The following FAM171B variants were observed in gnomAD, a reference collection of about 807,000 sequenced individuals.
FAM171B encodes the protein protein FAM171B.
A neutral mutation model predicts 75.6 loss-of-function variants in FAM171B; 19 were observed. The observed-to-expected ratio is 0.25, with a 90% CI of 0.18 to 0.37. FAM171B has a LOEUF of 0.37. Ranked by LOEUF, FAM171B falls within the 10% of genes least tolerant of loss-of-function variation. The probability of loss-of-function intolerance (pLI) is 1.00; values close to 1 mark genes in which losing one functional copy is unlikely to be tolerated. For synonymous variants in FAM171B, 367 were observed against 361.7 expected, an observed-to-expected ratio of 1.01 and a Z score of -0.17; for missense variants, 848 against 982.4, an observed-to-expected ratio of 0.86 and a Z score of 1.83.
chr2:186,723,531 CAATT>C (rs1689985691), intron 1 of FAM171B, among the ~76,000 whole-genome samples: 2 of 151,734 alleles, frequency 1.3e-5, no homozygotes, highest in African/African-American at 2.4e-5. Context: ...AGTATTTTTC[CAATT>C]AATTACTTAA....
rs1690494969 is a variant in FAM171B at position 186,754,028 on chromosome 2, G to T, written c.991G>T (p.Ala331Ser). 6.2e-7 allele frequency: 1 copy of T among 1,601,428 alleles called. No homozygotes were observed. The highest frequency in any genetic ancestry group is 8.5e-7 in the Non-Finnish European group (1 of 1,175,654). ...DAPHLGYWIA[A>S]PLPGTRGSGI... ...ACCACATTTGGGGTACTGGATAGCA[G>T]CTCCACTTCCAGGAACTAGAGGTAT... Residue 331 changes from alanine to serine, a missense_variant, in exon 6 of 8, where the codon GCT becomes TCT. Coordinates refer to ENST00000304698, the MANE Select transcript of FAM171B (RefSeq NM_177454.4).
chr2:186,758,976 TA>T (rs1690575433), intron 6 of FAM171B, among the ~76,000 whole-genome samples: 1 of 152,006 alleles, frequency 6.6e-6, no homozygotes, highest in African/African-American at 2.4e-5. Context: ...CAGCCTCTGG[TA>T]AACCATCATT....
chr2:186,694,377 G>T lies in FAM171B; in HGVS notation c.204G>T (p.Glu68Asp). 6.2e-7 allele frequency: 1 copy of T among 1,612,864 alleles called. No individual in the cohort carries two copies. Among genetic ancestry groups the T allele is most frequent in the Non-Finnish European group, 8.5e-7 (1 of 1,179,612 alleles). The change falls in exon 1 of 8, where the codon GAG becomes GAT. Residue 68 changes from glutamate (E) to aspartate (D), a missense_variant. Around this residue, in one of 3 missense-constraint regions of FAM171B, gnomAD observed 665 missense variants for 729.0 expected, o/e 0.91. Coordinates refer to ENST00000304698, the MANE Select transcript of FAM171B (RefSeq NM_177454.4). ...QLEEAEEERT[E>D]VPGATSTLTV... ...AGGAGGCTGAGGAGGAGAGGACAGA[G>T]GTGCCTGGGGCAACCTCCACCTTGA...
chr2:186,716,445 A>G (rs1689875711), intron 1 of FAM171B, among the ~76,000 whole-genome samples: 1 of 152,182 alleles, frequency 6.6e-6, no homozygotes, highest in African/African-American at 2.4e-5. Context: ...ACTGTAATAG[A>G]TGTATATACA....
intron 6 of FAM171B, 87 bp from the exon 7 acceptor site, chr2:186,761,026 T>C (rs1161137976): frequency 5.1e-6 from 7 of 1,373,410 alleles, no homozygotes; most frequent in Non-Finnish European, 6.9e-6. Context: ...TATGTACACT[T>C]ATTCAATTTG....
rs147412320 is a variant in FAM171B at position 186,721,102 on chromosome 2, A to T, written c.239-19126A>T. Among the ~76,000 whole-genome samples the T allele has an allele frequency of 6.6e-4, 100 of 152,324 alleles. 2 individuals carry two copies. Among genetic ancestry groups the T allele is most frequent in the East Asian group, 3.9e-3 (20 of 5,192 alleles). ...GAAGATGGCTTTAGGTCATATCCCT[A>T]TCCCTTCAGGATATTACCTATTTAT... On this transcript the variant is annotated intron_variant, in intron 1 of 7. Transcript: ENST00000304698.
chr2:186,741,882 T>G (rs1690293150), intron 2 of FAM171B, among the ~76,000 whole-genome samples: 2 of 151,884 alleles, frequency 1.3e-5, no homozygotes, highest in Admixed American at 6.5e-5. Flanking sequence ...AGGAAGCTGA[T>G]GCAATATTTT....
intron 1 of FAM171B, among the ~76,000 whole-genome samples, chr2:186,724,404 C>T (rs1690001200): frequency 6.6e-6 from 1 of 152,158 alleles, no homozygotes; most frequent in South Asian, 2.1e-4. Flanking sequence ...GCCTTGACAG[C>T]TTTGGACCCT....
intron 1 of FAM171B, among the ~76,000 whole-genome samples, chr2:186,711,250 T>G (rs1318554650): frequency 6.6e-6 from 1 of 152,228 alleles, no homozygotes; most frequent in Non-Finnish European, 1.5e-5. Context: ...TTTAGCTACA[T>G]ACTCTCTTCC....
rs116201802 is a variant in FAM171B, at chr2:186,749,506, T to C, written c.725-1628T>C. On this transcript the variant is annotated intron_variant, in intron 4 of 7. Coordinates refer to ENST00000304698, the MANE Select transcript of FAM171B (RefSeq NM_177454.4). ...TACAAGCATGCCAGCCTATAAAATA[T>C]GTATGGCACTGCTTTGCTCATTTAA... Among the ~76,000 whole-genome samples, 1,473 of 152,338 alleles carry C rather than the reference T, an allele frequency of 9.7e-3. 27 individuals are homozygous for C. The highest frequency in any genetic ancestry group is 0.033 in the African/African-American group (1,391 of 41,570).
chr2:186,758,141 G>A (rs1413661464), intron 6 of FAM171B, among the ~76,000 whole-genome samples: 2 of 152,060 alleles, frequency 1.3e-5, no homozygotes, highest in Non-Finnish European at 2.9e-5. Context: ...TGCTTATCGT[G>A]AGCCAAGGAC....
chr2:186,707,027 C>T (rs1402136379), intron 1 of FAM171B, among the ~76,000 whole-genome samples: 2 of 152,120 alleles, frequency 1.3e-5, no homozygotes, highest in Non-Finnish European at 2.9e-5. Context: ...CTCCTCTCCC[C>T]GAGGTGGTCA....
chr2:186,701,741 G>T (rs920798270), intron 1 of FAM171B, among the ~76,000 whole-genome samples: 1 of 152,154 alleles, frequency 6.6e-6, no homozygotes, highest in Non-Finnish European at 1.5e-5. Context: ...ATATGCCATT[G>T]TGTTGAATTT....
At chr2:186,747,358 A>G (rs893144380) in intron 4 of FAM171B, 108 bp downstream of exon 4, 11 of 584,724 alleles carry the variant, frequency 1.9e-5, no homozygotes, top group Admixed American at 4.3e-5. Context: ...GCTATGGATA[A>G]TACACATCAT....
At chr2:186,712,916 T>C (rs545569552) in intron 1 of FAM171B, among the ~76,000 whole-genome samples, 1 of 152,376 alleles carries the variant, frequency 6.6e-6, no homozygotes, top group East Asian at 1.9e-4. Flanking sequence ...AACACATTTC[T>C]AAATCTATAT....
In FAM171B at chr2:186,763,767, A is replaced by G. The variant is rs1309116550; in HGVS notation, c.*944A>G. 1 of 152,092 alleles carries G rather than the reference A, an allele frequency of 6.6e-6. No individual in the cohort carries two copies. 9.4% of individuals were successfully genotyped at this position (152,092 alleles called of 1,614,324 possible). On this transcript the variant is annotated 3_prime_UTR_variant, in exon 8 of 8. Transcript: ENST00000304698. ...GTGAAAGTTTCTTTTGAACACTAAA[A>G]TAAAATATGTGCAGATAAAATATAC...
chr2:186,727,306 G>A (rs935518992), intron 1 of FAM171B, among the ~76,000 whole-genome samples: 10 of 152,302 alleles, frequency 6.6e-5, no homozygotes, highest in African/African-American at 2.2e-4. Flanking sequence ...TGAAAAGGGG[G>A]CATTTGACCA....
chr2:186,713,314 C>A (rs1304496601), intron 1 of FAM171B, among the ~76,000 whole-genome samples: 4 of 152,328 alleles, frequency 2.6e-5, no homozygotes, highest in Middle Eastern at 3.4e-3. Context: ...AGTGTGATGG[C>A]AACTGTAATT....
In FAM171B at chr2:186,763,618, A is replaced by G. The variant is rs1479108447; in HGVS notation, c.*795A>G. ...ACTTTTTACAAATCTGAAAAAAACAATCTATGACTTTGGTTTAAGGCTCAC... is the reference window on the plus strand; with the variant it reads ...ACTTTTTACAAATCTGAAAAAAACAGTCTATGACTTTGGTTTAAGGCTCAC... On this transcript the variant is annotated 3_prime_UTR_variant, in exon 8 of 8. Coordinates refer to ENST00000304698, the MANE Select transcript of FAM171B (RefSeq NM_177454.4). The G allele has an allele frequency of 6.6e-6, 1 of 152,086 alleles. No homozygotes were observed. Among genetic ancestry groups the G allele is most frequent in the African/African-American group, 2.4e-5 (1 of 41,456 alleles). 9.4% of individuals were successfully genotyped at this position (152,086 alleles called of 1,614,324 possible).
Sources: allele counts gnomAD v4.1 joint callset (sites outside exome capture counted in the v4.1 genomes callset), GRCh38; gene constraint gnomAD v4.1.1; regional missense constraint gnomAD v4.1.1; transcripts MANE v1.5; gene names NCBI Gene and HGNC (gene_info 2026-07-23, HGNC 2026-07-21).